CNKSR3: variants seen among roughly 807,000 people sequenced by gnomAD.
CNKSR3 encodes connector enhancer of kinase suppressor of ras 3.
A neutral mutation model predicts 67.7 loss-of-function variants in CNKSR3; 36 were observed. That is an observed-to-expected ratio of 0.53 (90% confidence interval 0.41 to 0.70). The LOEUF is 0.70. Ranked by LOEUF, CNKSR3 falls within the 30% of genes least tolerant of loss-of-function variation. The pLI is 0.00. For synonymous variants in CNKSR3, 281 were observed against 271.4 expected, an observed-to-expected ratio of 1.04 and a Z score of -0.35; for missense variants, 630 against 695.2, an observed-to-expected ratio of 0.91 and a Z score of 1.05.
At chr6:154,434,425 T>C (rs1462477618) in intron 4 of CNKSR3, among the ~76,000 whole-genome samples, 3 of 152,260 alleles carry the variant, frequency 2.0e-5, no homozygotes, top group African/African-American at 4.8e-5. Context: ...TTCTTTTATG[T>C]ACATGACAAA....
chr6:154,418,534 C>T (rs1245033286), intron 9 of CNKSR3, among the ~76,000 whole-genome samples: 1 of 152,154 alleles, frequency 6.6e-6, no homozygotes, highest in Non-Finnish European at 1.5e-5. Context: ...CAGTCCATAC[C>T]TCTCTCTCCT....
chr6:154,460,834 G>A (rs1182355607), intron 1 of CNKSR3, among the ~76,000 whole-genome samples: 1 of 152,130 alleles, frequency 6.6e-6, no homozygotes, highest in Non-Finnish European at 1.5e-5. Context: ...TTTTTAGCAC[G>A]GGGGAGAACC....
intron 1 of CNKSR3, among the ~76,000 whole-genome samples, chr6:154,484,769 T>TC (rs1175818758): frequency 1.4e-5 from 2 of 146,914 alleles, no homozygotes; most frequent in Non-Finnish European, 3.0e-5. Flanking sequence ...CCCTTCCCCC[T>TC]CCCCCAAAGA....
At chr6:154,410,287 C>A in intron 12 of CNKSR3, 56 bp downstream of exon 12, 1 of 1,253,302 alleles carries the variant, frequency 8.0e-7, no homozygotes, top group Non-Finnish European at 1.2e-6. Flanking sequence ...GAAACCAGGC[C>A]CTGGGGCTGT....
At chr6:154,414,924 A>G in intron 9 of CNKSR3, among the ~76,000 whole-genome samples, 1 of 151,714 alleles carries the variant, frequency 6.6e-6, no homozygotes, top group East Asian at 2.0e-4. Context: ...GGCGATACCC[A>G]GTCCCTACGA....
At chr6:154,477,301 T>A (rs1020702816) in intron 1 of CNKSR3, among the ~76,000 whole-genome samples, 1 of 151,980 alleles carries the variant, frequency 6.6e-6, no homozygotes, top group Non-Finnish European at 1.5e-5. Flanking sequence ...TCTGAGCTTC[T>A]TTGTAATTTT....
chr6:154,479,219 A>G (rs1016027958), intron 1 of CNKSR3, among the ~76,000 whole-genome samples: 2 of 112,046 alleles, frequency 1.8e-5, no homozygotes, highest in African/African-American at 5.8e-5. Flanking sequence ...GATTCAGAGA[A>G]AAAAAAAAAA....
chr6:154,483,664 T>C (rs991088641), intron 1 of CNKSR3, among the ~76,000 whole-genome samples: 5 of 152,218 alleles, frequency 3.3e-5, no homozygotes, highest in African/African-American at 1.2e-4. Context: ...TAAAATACTT[T>C]ACTGCTCCTT....
At position 154,401,213 on chromosome 6, in the gene CNKSR3, C is replaced by G. The variant is rs1562314325; in HGVS notation, c.*5141G>C. ...CTCCCAAAATTCATCTGTTGAAACC[C>G]TAATCTCCAAAGCAATGGTATTAGG... On this transcript the variant is annotated 3_prime_UTR_variant, in exon 13 of 13. Transcript: ENST00000607772. 6.6e-6 allele frequency: 1 copy of G among 152,182 alleles called. No homozygotes were observed. Among genetic ancestry groups the G allele is most frequent in the East Asian group, 1.9e-4 (1 of 5,200 alleles). The allele number at this position is 152,182 out of a possible 1,614,324, so 9.4% of individuals were successfully genotyped here.
intron 9 of CNKSR3, among the ~76,000 whole-genome samples, chr6:154,418,341 C>T (rs1008302713): frequency 1.3e-5 from 2 of 152,218 alleles, no homozygotes; most frequent in African/African-American, 2.4e-5. Flanking sequence ...AAATTGCTTT[C>T]ACAAGGATGT....
intron 1 of CNKSR3, among the ~76,000 whole-genome samples, chr6:154,469,143 G>T (rs1277727307): frequency 6.6e-6 from 1 of 152,166 alleles, no homozygotes; most frequent in African/African-American, 2.4e-5. Flanking sequence ...TGGCATCAAA[G>T]AAAAAATTCA....
chr6:154,435,707 A>G (rs752063600), intron 4 of CNKSR3, among the ~76,000 whole-genome samples: 5 of 152,246 alleles, frequency 3.3e-5, no homozygotes, highest in Non-Finnish European at 5.9e-5. Context: ...CCCAGGCTGG[A>G]CAGTGAGCTG....
intron 1 of CNKSR3, among the ~76,000 whole-genome samples, chr6:154,458,793 T>C (rs2128720481): frequency 6.6e-6 from 1 of 152,288 alleles, no homozygotes; most frequent in East Asian, 1.9e-4. Context: ...CGCACACTAC[T>C]AATTGCAGCT....
chr6:154,484,047 A>G (rs1223081223), intron 1 of CNKSR3, among the ~76,000 whole-genome samples: 2 of 152,208 alleles, frequency 1.3e-5, no homozygotes, highest in Non-Finnish European at 2.9e-5. Context: ...AAAATAGTAT[A>G]ATCACAAACC....
In CNKSR3 at chr6:154,414,386, C is replaced by T. The variant is rs148136895; in HGVS notation, c.983G>A (p.Ser328Asn). Residue 328 changes from serine (S) to asparagine (N), a missense_variant, in exon 10 of 13, where the codon AGC (serine) becomes AAC (asparagine). This residue lies in a region of CNKSR3 where 308 missense variants were observed against 299.6 expected (regional missense o/e 1.03). Coordinates refer to ENST00000607772, the MANE Select transcript of CNKSR3 (RefSeq NM_173515.4). ...PPPATTQSPE[S>N]TMDTSLKKEK... ...CTTCTTCAGTGAGGTATCCATAGTG[C>T]TTTCAGGGGACTGGGTTGTCGCGGG... 8.7e-6 allele frequency: 14 copies of T among 1,608,476 alleles called. No homozygotes were observed. The African/African-American group carries it at 9.4e-5, about 11-fold the overall frequency.
At chr6:154,418,499 C>A (rs1785069191) in intron 9 of CNKSR3, among the ~76,000 whole-genome samples, 1 of 152,194 alleles carries the variant, frequency 6.6e-6, no homozygotes, top group African/African-American at 2.4e-5. Flanking sequence ...GCAAATCCCA[C>A]CTACCCTCCC....
intron 2 of CNKSR3, among the ~76,000 whole-genome samples, chr6:154,449,655 C>T (rs572942807): frequency 2.6e-5 from 4 of 152,336 alleles, no homozygotes; most frequent in Non-Finnish European, 5.9e-5. Context: ...AGGAGTATTT[C>T]CATCATTTTT....
chr6:154,492,107 G>A (rs1008077710), intron 1 of CNKSR3, among the ~76,000 whole-genome samples: 1 of 152,080 alleles, frequency 6.6e-6, no homozygotes, highest in Non-Finnish European at 1.5e-5. Flanking sequence ...TCAATTCTCA[G>A]TCATCCTCTC....
In CNKSR3 at chr6:154,510,331, GCTC is replaced by G; in HGVS notation, c.-220_-218del. 1 of 559,242 alleles carries G rather than the reference GCTC, an allele frequency of 1.8e-6. No homozygotes were observed. Among genetic ancestry groups the G allele is most frequent in the African/African-American group, 2.0e-5 (1 of 49,502 alleles). 34.6% of individuals were successfully genotyped at this position (559,242 alleles called of 1,614,324 possible). A position where few individuals can be genotyped will look rare whatever the true frequency, so the allele number is the denominator to read the frequency against. On this transcript the variant is annotated 5_prime_UTR_variant, in exon 1 of 13. Transcript: ENST00000607772. ...CTCCAGCTGCCACAGTCCAGCTGCA[GCTC>G]CTCCTTCCCCCGCCGCCGCCGGGAT...
Sources: gnomAD v4.1 joint callset for allele counts (sites outside exome capture counted in the v4.1 genomes callset) on GRCh38, gnomAD v4.1.1 for gene constraint, gnomAD v4.1.1 regional missense constraint, MANE v1.5 for transcripts, NCBI Gene and HGNC (gene_info 2026-07-23, HGNC 2026-07-21) for gene names.